The following PHLPP1 variants were observed in gnomAD, a reference collection of about 807,000 sequenced individuals.
The protein encoded by PHLPP1 is PH domain leucine-rich repeat-containing protein phosphatase 1.
In PHLPP1, 42 loss-of-function variants were observed where a neutral mutation model predicts 117.2. That is an observed-to-expected ratio of 0.36 (90% CI 0.28 to 0.46). PHLPP1 has a LOEUF of 0.46. Ranked by LOEUF, PHLPP1 falls within the 20% of genes least tolerant of loss-of-function variation. PHLPP1 has a pLI of 1.00. For synonymous variants in PHLPP1, 1,042 were observed against 970.7 expected (o/e 1.07, Z -1.37); for missense variants, 2,084 against 2,241.9 (o/e 0.93, Z 1.42).
intron 15 of PHLPP1, among the ~76,000 whole-genome samples, chr18:62,973,345 G>A (rs1371513345): frequency 6.6e-6 from 1 of 152,198 alleles, no homozygotes; most frequent in Non-Finnish European, 1.5e-5. Context: ...AGAGGAATGA[G>A]GATTCCTTCA....
In PHLPP1 at chr18:62,880,218, T is replaced by C. The variant is rs643124; in HGVS notation, c.2067-14793T>C. On this transcript the variant is annotated intron_variant, in intron 4 of 16. Transcript: ENST00000262719. ...TTTGGGTGTTAGGGTTTTTTTTTTT[T>C]CCCCATTTAGCTGTGAGATATGCTT... Among the ~76,000 whole-genome samples the C allele has an allele frequency of 1.2e-3, 181 of 151,890 alleles. No individual in the cohort carries two copies. In the Middle Eastern group the frequency reaches 0.021, roughly 17 times the overall value.
chr18:62,751,883 G>C (rs1399956547), intron 1 of PHLPP1, among the ~76,000 whole-genome samples: 2 of 152,126 alleles, frequency 1.3e-5, no homozygotes, highest in East Asian at 3.9e-4. Context: ...AAGTGACTCA[G>C]TGGATTGATA....
chr18:62,876,642 A>G (rs1198207513), intron 4 of PHLPP1, among the ~76,000 whole-genome samples: 1 of 152,210 alleles, frequency 6.6e-6, no homozygotes, highest in Non-Finnish European at 1.5e-5. Flanking sequence ...AAATGCTTTG[A>G]GCAGCGGAAC....
chr18:62,838,853 T>C lies in PHLPP1; in HGVS notation c.1843T>C (p.Tyr615His), dbSNP rs1568133727. The change falls in exon 3 of 17, where the codon TAC (tyrosine) becomes CAC (histidine). Residue 615 changes from tyrosine to histidine, a missense_variant. Transcript: ENST00000262719. ...SSSGPQSQTY[Y>H]ICFDTFTEYL... ...CTCTGGACCCCAAAGCCAGACTTACTACATTTGCTTTGATACTTTCACAGA... is the reference window on the plus strand; with the variant it reads ...CTCTGGACCCCAAAGCCAGACTTACCACATTTGCTTTGATACTTTCACAGA... The C allele has an allele frequency of 6.2e-7, 1 of 1,613,632 alleles. No individual in the cohort carries two copies. The highest frequency in any genetic ancestry group is 8.5e-7 in the Non-Finnish European group (1 of 1,179,656).
chr18:62,782,760 G>A (rs1913154485), intron 1 of PHLPP1, among the ~76,000 whole-genome samples: 1 of 152,080 alleles, frequency 6.6e-6, no homozygotes, highest in African/African-American at 2.4e-5. Flanking sequence ...ATTATTTGAG[G>A]GAAGGAGAAA....
At chr18:62,956,066 T>C (rs188203622) in intron 12 of PHLPP1, among the ~76,000 whole-genome samples, 1 of 152,222 alleles carries the variant, frequency 6.6e-6, no homozygotes, top group South Asian at 2.1e-4. Flanking sequence ...GAGATGACTG[T>C]TTTCTCCAAT....
At chr18:62,874,994 A>G (rs1916011788) in intron 4 of PHLPP1, among the ~76,000 whole-genome samples, 1 of 152,188 alleles carries the variant, frequency 6.6e-6, no homozygotes, top group African/African-American at 2.4e-5. Context: ...TCGCTCTGCC[A>G]CTCAGGCTGG....
chr18:62,823,185 A>G (rs1445002860), intron 1 of PHLPP1, among the ~76,000 whole-genome samples: 1 of 152,200 alleles, frequency 6.6e-6, no homozygotes, highest in Admixed American at 6.5e-5. Context: ...ATTAGGCTTT[A>G]TTAAAATGGA....
intron 3 of PHLPP1, among the ~76,000 whole-genome samples, chr18:62,857,123 A>G (rs915694440): frequency 4.6e-5 from 7 of 152,166 alleles, no homozygotes; most frequent in East Asian, 3.9e-4. Flanking sequence ...AAAAAGTACA[A>G]TGGAAAAAAT....
intron 1 of PHLPP1, among the ~76,000 whole-genome samples, chr18:62,819,804 C>A (rs1017043336): frequency 1.3e-5 from 2 of 152,142 alleles, no homozygotes; most frequent in African/African-American, 4.8e-5. Flanking sequence ...TGCCACCACA[C>A]CTAGCAAATT....
chr18:62,942,113 T>C (rs2144453919), intron 11 of PHLPP1, among the ~76,000 whole-genome samples, 195 bp downstream of exon 11: 1 of 152,362 alleles, frequency 6.6e-6, no homozygotes, highest in South Asian at 2.1e-4. Context: ...TTCATATGTG[T>C]CCAAAGACCT....
chr18:62,855,485 C>T (rs139411204), intron 3 of PHLPP1, among the ~76,000 whole-genome samples: 20 of 152,296 alleles, frequency 1.3e-4, no homozygotes, highest in African/African-American at 2.6e-4. Flanking sequence ...CTTAAATCTC[C>T]CATTCTGTTG....
Position 62,895,152 on chromosome 18 carries a change from G to A in PHLPP1, c.2208G>A (p.Met736Ile). 1 of 1,613,534 alleles carries A rather than the reference G, an allele frequency of 6.2e-7. No homozygotes were observed. Among genetic ancestry groups the A allele is most frequent in the Non-Finnish European group, 8.5e-7 (1 of 1,179,790 alleles). The change falls in exon 5 of 17, where the codon ATG (methionine) becomes ATA (isoleucine). Residue 736 changes from methionine to isoleucine, a missense_variant. Met to Ile is a conservative substitution (Grantham distance 10). This residue lies in a region of PHLPP1 where 1,365 missense variants were observed against 1,605.9 expected (regional missense o/e 0.85). Transcript: ENST00000262719. ...CAGTCCCGGCAGCCGTTGGAGTGAT[G>A]CACAAGTGTGTACTTCAAACCCCAC... ...LRSVPAAVGV[M>I]HNLQTFLLDG...
chr18:62,934,837 T>G (rs945147855), intron 10 of PHLPP1, among the ~76,000 whole-genome samples: 2 of 152,164 alleles, frequency 1.3e-5, no homozygotes, highest in Admixed American at 1.3e-4. Context: ...AATAAAGCTG[T>G]TAATAAAAAA....
At position 62,891,725 on chromosome 18, in the gene PHLPP1, A is replaced by C. The variant is rs1447922033; in HGVS notation, c.2067-3286A>C. Among the ~76,000 whole-genome samples the C allele has an allele frequency of 3.5e-5, 3 of 86,604 alleles. No individual in the cohort carries two copies. The East Asian group carries it at 7.3e-4, about 21-fold the overall frequency. The allele number at this position is 86,604 out of a possible 152,430, so 56.8% of individuals were successfully genotyped here. On this transcript the variant is annotated intron_variant, in intron 4 of 16. Transcript: ENST00000262719. ...GGCAAAATGGCAAAACTTCGTCTCT[A>C]CAAAAAAAAAAAAAAAAATTAGCTG...
chr18:62,774,940 T>TA (rs915154313), intron 1 of PHLPP1, among the ~76,000 whole-genome samples: 11 of 151,938 alleles, frequency 7.2e-5, no homozygotes, highest in South Asian at 2.1e-4. Flanking sequence ...GCTAATGTCT[T>TA]AAAAAAAATA....
chr18:62,720,993 G>A (rs1401482427), intron 1 of PHLPP1, among the ~76,000 whole-genome samples: 3 of 152,142 alleles, frequency 2.0e-5, no homozygotes, highest in Non-Finnish European at 4.4e-5. Flanking sequence ...GGAGAATAGA[G>A]AGCTTGGGTA....
At chr18:62,898,040 A>T (rs201905243) in intron 6 of PHLPP1, among the ~76,000 whole-genome samples, 14 of 70,956 alleles carry the variant, frequency 2.0e-4, no homozygotes, top group South Asian at 4.9e-4. Context: ...CTCTTTGTAC[A>T]AAGTGTGGCT....
At chr18:62,769,575 G>A (rs536671893) in intron 1 of PHLPP1, among the ~76,000 whole-genome samples, 169 of 152,184 alleles carry the variant, frequency 1.1e-3, no homozygotes, top group African/African-American at 3.9e-3. Flanking sequence ...CATATACCAG[G>A]AAAAATAGGC....
Sources: allele counts gnomAD v4.1 joint callset (sites outside exome capture counted in the v4.1 genomes callset), GRCh38; gene constraint gnomAD v4.1.1; regional missense constraint gnomAD v4.1.1; transcripts MANE v1.5; gene names NCBI Gene and HGNC (gene_info 2026-07-23, HGNC 2026-07-21).